Variants in PKIB observed in about 807,000 individuals in gnomAD.
PKIB encodes PKI-beta.
In PKIB, 2 loss-of-function variants were observed where a neutral mutation model predicts 4.5. The observed-to-expected ratio is 0.44, with a 90% CI of 0.18 to 1.39. The LOEUF is 1.39. PKIB is among the 40% of genes most tolerant of loss of function. The pLI is 0.27. For synonymous variants in PKIB, 38 were observed against 36.0 expected (o/e 1.06, Z -0.20); for missense variants, 94 against 92.6 (o/e 1.02, Z -0.06).
intron 2 of PKIB, among the ~76,000 whole-genome samples, chr6:122,638,274 A>G (rs530046729): frequency 2.6e-5 from 4 of 152,344 alleles, no homozygotes; most frequent in African/African-American, 9.6e-5. Flanking sequence ...AAAATATTCA[A>G]GGTTGTACCA....
intron 2 of PKIB, chr6:122,531,389 G>A (rs1361710945): frequency 1.3e-5 from 2 of 152,114 alleles, no homozygotes; most frequent in Non-Finnish European, 2.9e-5. Flanking sequence ...TTAACTAGAT[G>A]ATTTCATCAT....
At position 122,689,001 on chromosome 6, in the gene PKIB, T is replaced by C. The variant is rs538958031; in HGVS notation, c.-9+13857T>C. Among the ~76,000 whole-genome samples the C allele has an allele frequency of 2.2e-3, 342 of 152,176 alleles. 1 individual carries two copies. Among genetic ancestry groups the C allele is most frequent in the Non-Finnish European group, 4.2e-3 (289 of 68,002 alleles). On this transcript the variant is annotated intron_variant, in intron 3 of 4. Transcript: ENST00000368452. ...TTTCACCATGTTAGCCAGGATGGTCTTGATCTCCTGACCTCGTGACCCGCC... is the reference window on the plus strand; with the variant it reads ...TTTCACCATGTTAGCCAGGATGGTCCTGATCTCCTGACCTCGTGACCCGCC...
At chr6:122,533,336 A>G (rs1777315481) in intron 2 of PKIB, among the ~76,000 whole-genome samples, 2 of 151,936 alleles carry the variant, frequency 1.3e-5, no homozygotes, top group South Asian at 2.1e-4. Context: ...TGCCTAGCTA[A>G]TTTGTGTATT....
At chr6:122,490,612 C>T (rs1421579152) in intron 2 of PKIB, among the ~76,000 whole-genome samples, 2 of 152,094 alleles carry the variant, frequency 1.3e-5, no homozygotes, top group Admixed American at 6.5e-5. Flanking sequence ...CTTTCTTGCT[C>T]TCATTCTCAT....
At chr6:122,625,890 C>G (rs1775422552) in intron 1 of PKIB, among the ~76,000 whole-genome samples, 1 of 152,012 alleles carries the variant, frequency 6.6e-6, no homozygotes. Flanking sequence ...GCAACATGGA[C>G]AAATTCCATC....
intron 2 of PKIB, among the ~76,000 whole-genome samples, chr6:122,554,907 T>A (rs897694466): frequency 6.6e-6 from 1 of 152,128 alleles, no homozygotes; most frequent in African/African-American, 2.4e-5. Context: ...AAAATAAGTT[T>A]CCTCTTAAAG....
intron 2 of PKIB, among the ~76,000 whole-genome samples, chr6:122,669,706 A>G (rs540265865): frequency 1.3e-5 from 2 of 152,026 alleles, no homozygotes; most frequent in Non-Finnish European, 2.9e-5. Context: ...AACTCCACCC[A>G]TCTCCCTCTC....
At chr6:122,522,261 AAT>A (rs1323716427) in intron 2 of PKIB, among the ~76,000 whole-genome samples, 1 of 152,176 alleles carries the variant, frequency 6.6e-6, no homozygotes, top group Non-Finnish European at 1.5e-5. Context: ...CAAAAACTGT[AAT>A]TACTTTTGCA....
intron 3 of PKIB, among the ~76,000 whole-genome samples, chr6:122,716,818 C>A (rs532095934): frequency 6.6e-6 from 1 of 152,214 alleles, no homozygotes; most frequent in Non-Finnish European, 1.5e-5. Flanking sequence ...TCGGTCAATA[C>A]TTAGTGCATT....
At chr6:122,579,516 C>T (rs1773644876) in intron 2 of PKIB, among the ~76,000 whole-genome samples, 1 of 152,040 alleles carries the variant, frequency 6.6e-6, no homozygotes. Flanking sequence ...ACAGCACTTT[C>T]CAGAGCAGGA....
intron 4 of PKIB, among the ~76,000 whole-genome samples, chr6:122,720,399 T>G (rs752118177): frequency 6.6e-6 from 1 of 151,952 alleles, no homozygotes; most frequent in Non-Finnish European, 1.5e-5. Context: ...TGGAGAAAGA[T>G]CAGTGGATTT....
rs548655353 is a variant in PKIB at position 122,512,860 on chromosome 6, A to G, written c.-248+34921A>G. On this transcript the variant is annotated intron_variant, in intron 2 of 6. Coordinates refer to the PKIB transcript ENST00000392491. Reference sequence around the variant, plus strand: ...CAACCCTCTTCTCCCTGAAAGATTCATTCACTTCCTTAAGATTTAAACTAC... The same window carrying G: ...CAACCCTCTTCTCCCTGAAAGATTCGTTCACTTCCTTAAGATTTAAACTAC... Among the ~76,000 whole-genome samples the G allele has an allele frequency of 8.3e-4, 127 of 152,316 alleles. 1 individual carries two copies. Among genetic ancestry groups the G allele is most frequent in the African/African-American group, 3.0e-3 (123 of 41,582 alleles).
intron 2 of PKIB, among the ~76,000 whole-genome samples, chr6:122,560,670 C>G (rs197689): frequency 0.81 from 122,878 of 152,060 alleles, 49,847 homozygotes; most frequent in South Asian, 0.92. Flanking sequence ...TCTGGTCCTG[C>G]ACTTTTTTTT....
intron 2 of PKIB, among the ~76,000 whole-genome samples, chr6:122,513,063 A>T (rs1385706633): frequency 6.6e-6 from 1 of 152,170 alleles, no homozygotes; most frequent in African/African-American, 2.4e-5. Flanking sequence ...ATGTGGACAC[A>T]TCATCTTATT....
At position 122,697,484 on chromosome 6, in the gene PKIB, A is replaced by C. The variant is rs1007474627; in HGVS notation, c.-8-20303A>C. 6.7e-4 allele frequency among the ~76,000 whole-genome samples: 102 copies of C among 151,820 alleles called. 3 individuals are homozygous for C. Among genetic ancestry groups the C allele is most frequent in the Admixed American group, 6.7e-3 (102 of 15,228 alleles). ...ACCAAGCAGAGAGGGCCACATTTTG[A>C]GGTGGTTGCCAAAAACATGAACTTC... On this transcript the variant is annotated intron_variant, in intron 3 of 4. Transcript: ENST00000368452.
At chr6:122,610,944 C>T (rs555357187) in intron 1 of PKIB, among the ~76,000 whole-genome samples, 1 of 152,206 alleles carries the variant, frequency 6.6e-6, no homozygotes, top group Non-Finnish European at 1.5e-5. Context: ...TAGTCACGAG[C>T]GGCCGCGGGG....
intron 2 of PKIB, among the ~76,000 whole-genome samples, chr6:122,651,484 C>G (rs543910693): frequency 2.7e-4 from 41 of 152,256 alleles, no homozygotes; most frequent in Admixed American, 2.0e-3. Flanking sequence ...GTTCTTTAGG[C>G]AACGCAGAGT....
At chr6:122,490,257 T>G (rs2044545140) in intron 2 of PKIB, among the ~76,000 whole-genome samples, 1 of 152,228 alleles carries the variant, frequency 6.6e-6, no homozygotes, top group Admixed American at 6.5e-5. Context: ...CTTTATATAG[T>G]TATGTTTGTA....
Position 122,708,229 on chromosome 6 carries a change from A to G in PKIB, c.-8-9558A>G, listed in dbSNP as rs141778052. On this transcript the variant is annotated intron_variant, in intron 3 of 4. Transcript: ENST00000368452. ...TTAGAAGCTGGAGGGATGAGATGCAATTTTAAACAAGGTGGTTAAAGCAAG... is the reference window on the plus strand; with the variant it reads ...TTAGAAGCTGGAGGGATGAGATGCAGTTTTAAACAAGGTGGTTAAAGCAAG... Among the ~76,000 whole-genome samples the G allele has an allele frequency of 1.7e-3, 254 of 152,312 alleles. 2 individuals are homozygous for G. Among genetic ancestry groups the G allele is most frequent in the African/African-American group, 5.8e-3 (242 of 41,590 alleles).
Sources: allele counts gnomAD v4.1 joint callset (sites outside exome capture counted in the v4.1 genomes callset), GRCh38; gene constraint gnomAD v4.1.1; transcripts MANE v1.5; gene names NCBI Gene and HGNC (gene_info 2026-07-23, HGNC 2026-07-21).